FAM185A: variants seen among roughly 807,000 people sequenced by gnomAD.
The protein encoded by FAM185A is family with sequence similarity 185 member A.
In FAM185A, 21 loss-of-function variants were observed where a neutral mutation model predicts 45.7. That is an observed-to-expected ratio of 0.46 (90% CI 0.33 to 0.66). The LOEUF (loss-of-function observed/expected upper bound fraction) is 0.66, where lower values mean the gene tolerates loss of function less well. Among genes scored for constraint, FAM185A ranks in the 30% least tolerant of loss-of-function variants. The probability of loss-of-function intolerance (pLI) is 0.03; values close to 1 mark genes in which losing one functional copy is unlikely to be tolerated. For synonymous variants in FAM185A, 117 were observed against 194.0 expected (o/e 0.60, Z 3.30); for missense variants, 305 against 485.4 (o/e 0.63, Z 3.49).
chr7:102,823,490 G>A, the FAM185A span, among the ~76,000 whole-genome samples: 8 of 152,110 alleles, frequency 5.3e-5, no homozygotes, highest in East Asian at 1.9e-4. Context: ...CACAAATCCC[G>A]CTCTGAAATA....
At chr7:102,830,766 T>C in the FAM185A span, among the ~76,000 whole-genome samples, 27,370 of 152,198 alleles carry the variant, frequency 0.18, 2,735 homozygotes, top group East Asian at 0.43. Context: ...AAGCCTTCAG[T>C]GTGTACAATA....
chr7:102,787,854 C>T (rs1214941505), intron 7 of FAM185A, among the ~76,000 whole-genome samples: 1 of 152,196 alleles, frequency 6.6e-6, no homozygotes, highest in African/African-American at 2.4e-5. Context: ...TAAACTTGCT[C>T]TTTCAGAACA....
At chr7:102,826,744 T>TC in the FAM185A span, among the ~76,000 whole-genome samples, 4 of 95,716 alleles carry the variant, frequency 4.2e-5, no homozygotes, top group African/African-American at 2.0e-4. Flanking sequence ...TATATATATA[T>TC]ATATATATAT....
intron 7 of FAM185A, among the ~76,000 whole-genome samples, chr7:102,800,344 A>G (rs1286122712): frequency 6.6e-6 from 1 of 152,054 alleles, no homozygotes. Context: ...CTCTTTAACA[A>G]CCCCGCGAAA....
chr7:102,785,992 C>A (rs550114982), intron 6 of FAM185A, among the ~76,000 whole-genome samples: 1 of 152,184 alleles, frequency 6.6e-6, no homozygotes, highest in African/African-American at 2.4e-5. Context: ...AAGAAAAAAA[C>A]AAACAGCCCC....
chr7:102,778,051 G>A (rs918101651), intron 6 of FAM185A, among the ~76,000 whole-genome samples: 25 of 152,212 alleles, frequency 1.6e-4, no homozygotes, highest in African/African-American at 4.8e-4. Flanking sequence ...GTTAAGAACT[G>A]TAGCTCTGTA....
chr7:102,801,020 T>A (rs1584362449), intron 7 of FAM185A, among the ~76,000 whole-genome samples: 1 of 152,064 alleles, frequency 6.6e-6, no homozygotes, highest in Non-Finnish European at 1.5e-5. Context: ...CCTATCAGAT[T>A]AACAGCAGAT....
At chr7:102,841,756 C>G in the FAM185A span, among the ~76,000 whole-genome samples, 1 of 152,146 alleles carries the variant, frequency 6.6e-6, no homozygotes, top group Non-Finnish European at 1.5e-5. Context: ...GGTATCTTGG[C>G]AAGAGTTTAT....
chr7:102,834,055 A>G, the FAM185A span, among the ~76,000 whole-genome samples: 1 of 113,556 alleles, frequency 8.8e-6, no homozygotes, highest in African/African-American at 4.0e-5. Flanking sequence ...GAAGGAAGGA[A>G]GGAAGGAAGG....
chr7:102,794,840 T>C (rs577222353), intron 7 of FAM185A, among the ~76,000 whole-genome samples: 1 of 152,348 alleles, frequency 6.6e-6, no homozygotes, highest in South Asian at 2.1e-4. Context: ...GAACAATCTG[T>C]TGATGTAAAC....
intron 4 of FAM185A, among the ~76,000 whole-genome samples, chr7:102,771,495 C>T (rs902559475): frequency 2.6e-5 from 4 of 151,930 alleles, no homozygotes; most frequent in Admixed American, 6.6e-5. Flanking sequence ...TGCAATTAGG[C>T]GCATCTGGCT....
intron 7 of FAM185A, among the ~76,000 whole-genome samples, chr7:102,804,802 T>C (rs1797011362): frequency 6.6e-6 from 1 of 152,008 alleles, no homozygotes; most frequent in Non-Finnish European, 1.5e-5. Context: ...AGGACTAATA[T>C]CCAGAATCTA....
chr7:102,827,361 A>T, the FAM185A span, among the ~76,000 whole-genome samples: 1 of 152,176 alleles, frequency 6.6e-6, no homozygotes, highest in Non-Finnish European at 1.5e-5. Context: ...AGAACCACAC[A>T]GCCAAAACCA....
chr7:102,764,079 TGAGAAG>T (rs1327797827), intron 4 of FAM185A, among the ~76,000 whole-genome samples: 5 of 152,150 alleles, frequency 3.3e-5, no homozygotes, highest in African/African-American at 1.2e-4. Flanking sequence ...AGTACAGCAA[TGAGAAG>T]GAGAAGGGGA....
chr7:102,775,511 G>A (rs1440105383), intron 5 of FAM185A, among the ~76,000 whole-genome samples: 1 of 152,044 alleles, frequency 6.6e-6, no homozygotes, highest in Non-Finnish European at 1.5e-5. Flanking sequence ...TCCTCCAAGG[G>A]ATGAGCCATC....
chr7:102,802,877 A>G (rs1796876778), intron 7 of FAM185A, among the ~76,000 whole-genome samples: 1 of 152,138 alleles, frequency 6.6e-6, no homozygotes, highest in South Asian at 2.1e-4. Context: ...GCAGAAATAC[A>G]AAAGATCATT....
intron 6 of FAM185A, among the ~76,000 whole-genome samples, chr7:102,779,239 C>T (rs1795262479): frequency 6.6e-6 from 1 of 152,090 alleles, no homozygotes; most frequent in South Asian, 2.1e-4. Context: ...AACAAGAGCC[C>T]TCCTTTCTAA....
At position 102,806,539 on chromosome 7, in the gene FAM185A, C is replaced by G. The variant is rs115843203; in HGVS notation, c.1067-1751C>G. Reference sequence around the variant, plus strand: ...AGGTGCCTGGAATTTTTTAATGAACCCAAGTTTTTGTTTGTTTGTTTGTGT... The same window carrying G: ...AGGTGCCTGGAATTTTTTAATGAACGCAAGTTTTTGTTTGTTTGTTTGTGT... On this transcript the variant is annotated intron_variant, in intron 7 of 7. Transcript: ENST00000413034. Among the ~76,000 whole-genome samples, 387 of 139,778 alleles carry G rather than the reference C, an allele frequency of 2.8e-3. 1 individual carries two copies. Among genetic ancestry groups the G allele is most frequent in the African/African-American group, 0.011 (377 of 34,076 alleles). 91.7% of individuals were successfully genotyped at this position (139,778 alleles called of 152,430 possible). A position where few individuals can be genotyped will look rare whatever the true frequency, so the allele number is the denominator to read the frequency against.
At chr7:102,790,201 T>C (rs1796065460) in intron 7 of FAM185A, among the ~76,000 whole-genome samples, 1 of 152,298 alleles carries the variant, frequency 6.6e-6, no homozygotes, top group Admixed American at 6.5e-5. Context: ...ACATAACATA[T>C]GTGCTATACT....
Sources: allele counts gnomAD v4.1 joint callset (sites outside exome capture counted in the v4.1 genomes callset), GRCh38; gene constraint gnomAD v4.1.1; transcripts MANE v1.5; gene names NCBI Gene and HGNC (gene_info 2026-07-23, HGNC 2026-07-21).